SYNE1: variants seen among roughly 807,000 people sequenced by gnomAD.
The protein encoded by SYNE1 is nesprin-1.
Under a neutral mutation model 1,111.0 loss-of-function variants are expected in SYNE1, and 616 were observed. The ratio of observed to expected loss-of-function variants is 0.55; its 90% confidence interval spans 0.52 to 0.59. The LOEUF is 0.59. Among genes scored for constraint, SYNE1 ranks in the 20% least tolerant of loss-of-function variants. The probability of loss-of-function intolerance (pLI) is 0.00; values close to 1 mark genes in which losing one functional copy is unlikely to be tolerated. For synonymous variants in SYNE1, 3,855 were observed against 3,825.8 expected, an observed-to-expected ratio of 1.01 and a Z score of -0.28; for missense variants, 10,006 against 10,417.0, an observed-to-expected ratio of 0.96 and a Z score of 1.72.
chr6:152,498,987 T>C (rs1033039936), intron 10 of SYNE1, among the ~76,000 whole-genome samples, 195 bp from the exon 11 acceptor site: 7 of 152,136 alleles, frequency 4.6e-5, no homozygotes, highest in Non-Finnish European at 8.8e-5. Context: ...TAAGGCAACA[T>C]CATTTCCTAG....
intron 127 of SYNE1, among the ~76,000 whole-genome samples, chr6:152,194,473 C>A (rs546115742): frequency 7.2e-4 from 110 of 152,190 alleles, no homozygotes; most frequent in African/African-American, 2.6e-3. Flanking sequence ...TTATTAAATG[C>A]CTTGAGGTAA....
At position 152,219,095 on chromosome 6, in the gene SYNE1, C is replaced by A; in HGVS notation, c.21952G>T (p.Ala7318Ser). The change falls in exon 120 of 146, where the codon GCA becomes TCA. Residue 7318 changes from alanine to serine, a missense_variant. Coordinates refer to ENST00000367255, the MANE Select transcript of SYNE1 (RefSeq NM_182961.4). ...EQLKQQVDAS[A>S]ASAIQSDQLS... ...TGATCCGATTGAATAGCTGATGCTG[C>A]GGAAGCATCCACTTGTTGCTTCAGT... 6.2e-7 allele frequency: 1 copy of A among 1,614,122 alleles called. No individual in the cohort carries two copies. The highest frequency in any genetic ancestry group is 8.5e-7 in the Non-Finnish European group (1 of 1,180,000).
intron 145 of SYNE1, chr6:152,127,824 A>G (rs544571206): frequency 6.6e-6 from 1 of 152,358 alleles, no homozygotes; most frequent in East Asian, 1.9e-4. Flanking sequence ...CCTAGTGTAC[A>G]TGCAAAAAAC....
chr6:152,609,326 G>A (rs2099624817), intron 3 of SYNE1, among the ~76,000 whole-genome samples: 1 of 152,160 alleles, frequency 6.6e-6, no homozygotes, highest in Admixed American at 6.5e-5. Flanking sequence ...TCTCTCCTGA[G>A]GCTGGCTCAG....
intron 16 of SYNE1, among the ~76,000 whole-genome samples, chr6:152,468,145 C>T (rs778749348): frequency 4.6e-5 from 7 of 152,176 alleles, no homozygotes; most frequent in Admixed American, 1.3e-4. Context: ...GTGTTAGTGA[C>T]CGCATTTCTA....
chr6:152,331,928 G>A (rs1302121572), intron 77 of SYNE1, 38 bp from the exon 78 acceptor site: 3 of 1,603,918 alleles, frequency 1.9e-6, no homozygotes, highest in Non-Finnish European at 2.5e-6. Context: ...CAAATTAGCT[G>A]TAGTCAATAT....
chr6:152,305,125 A>G (rs2095330934), intron 91 of SYNE1, among the ~76,000 whole-genome samples: 1 of 152,222 alleles, frequency 6.6e-6, no homozygotes, highest in African/African-American at 2.4e-5. Context: ...GAAGACAAGC[A>G]GCCCTCTGTG....
chr6:152,398,270 T>A lies in SYNE1; in HGVS notation c.7350+349A>T, dbSNP rs1006423974. On this transcript the variant is annotated intron_variant, in intron 49 of 145. Transcript: ENST00000367255. ...ATAAATTACTAAAAAACACAAACCA[T>A]GTCTTCTTCTTTTTAAAACTCCTCC... Among the ~76,000 whole-genome samples, 4 of 152,286 alleles carry A rather than the reference T, an allele frequency of 2.6e-5. No homozygotes were observed. The South Asian group carries it at 8.3e-4, about 32-fold the overall frequency.
chr6:152,129,936 C>G (rs964524147), intron 145 of SYNE1, among the ~76,000 whole-genome samples: 4 of 152,274 alleles, frequency 2.6e-5, no homozygotes, highest in Middle Eastern at 3.4e-3. Flanking sequence ...GAAACTTGAA[C>G]TGATCAGTGG....
At chr6:152,520,574 A>G (rs1158462697) in intron 5 of SYNE1, 32 bp from the exon 6 acceptor site, 2 of 1,603,130 alleles carry the variant, frequency 1.2e-6, no homozygotes, top group Admixed American at 3.3e-5. Flanking sequence ...AGGGAATGAG[A>G]CAAAATCTGC....
chr6:152,240,210 G>T (rs1307614387), intron 107 of SYNE1, among the ~76,000 whole-genome samples: 1 of 152,208 alleles, frequency 6.6e-6, no homozygotes, highest in Non-Finnish European at 1.5e-5. Flanking sequence ...GTAGAGGTAA[G>T]AACGAAGGTG....
rs907973208 is a variant in SYNE1, at chr6:152,571,111, T to G, written c.68-31090A>C. 2.0e-4 allele frequency among the ~76,000 whole-genome samples: 30 copies of G among 152,194 alleles called. 1 individual carries two copies. Among genetic ancestry groups the G allele is most frequent in the African/African-American group, 6.8e-4 (28 of 41,432 alleles). On this transcript the variant is annotated intron_variant, in intron 3 of 145. Transcript: ENST00000367255. ...AGAGATATTTTTCAATTGACAACTT[T>G]CTATCTCAGTTACTTAGTTTCAATA...
At chr6:152,452,378 T>C (rs534289726) in intron 25 of SYNE1, among the ~76,000 whole-genome samples, 1 of 152,342 alleles carries the variant, frequency 6.6e-6, no homozygotes, top group African/African-American at 2.4e-5. Context: ...CAATATGATA[T>C]GCTTCAAAGA....
intron 121 of SYNE1, 30 bp downstream of exon 121, chr6:152,218,227 G>T: frequency 2.5e-6 from 4 of 1,612,046 alleles, no homozygotes; most frequent in Non-Finnish European, 3.4e-6. Flanking sequence ...GATGGTAAAA[G>T]ATCTGGGACT....
intron 22 of SYNE1, chr6:152,456,869 C>G: frequency 3.4e-6 from 1 of 296,758 alleles, no homozygotes. Flanking sequence ...ATGCAAATAT[C>G]AAGAGCATGG....
intron 100 of SYNE1, among the ~76,000 whole-genome samples, chr6:152,263,380 G>A (rs942593311): frequency 3.3e-5 from 5 of 151,836 alleles, no homozygotes; most frequent in Admixed American, 3.3e-4. Flanking sequence ...TCTGAGATTG[G>A]TATGGCTCTT....
At chr6:152,232,719 T>A (rs1424194262) in intron 112 of SYNE1, among the ~76,000 whole-genome samples, 2 of 152,230 alleles carry the variant, frequency 1.3e-5, no homozygotes, top group African/African-American at 4.8e-5. Context: ...GGCACTCTAA[T>A]CTTTATTCCT....
chr6:152,156,453 T>A (rs1411757867), intron 131 of SYNE1, among the ~76,000 whole-genome samples: 5 of 152,232 alleles, frequency 3.3e-5, no homozygotes, highest in Non-Finnish European at 5.9e-5. Flanking sequence ...CATCTCTTAG[T>A]ATCTGTCAGG....
At chr6:152,133,253 G>C in intron 143 of SYNE1, 23 bp downstream of exon 143, 1 of 1,604,376 alleles carries the variant, frequency 6.2e-7, no homozygotes, top group South Asian at 1.1e-5. Flanking sequence ...AATGCTACAC[G>C]ATGATGTCTG....
Sources: allele counts gnomAD v4.1 joint callset (sites outside exome capture counted in the v4.1 genomes callset), GRCh38; gene constraint gnomAD v4.1.1; transcripts MANE v1.5; gene names NCBI Gene and HGNC (gene_info 2026-07-23, HGNC 2026-07-21).